Variants in CACNA1D observed in about 807,000 individuals in gnomAD.
CACNA1D encodes voltage-dependent L-type calcium channel subunit alpha-1D.
A neutral mutation model predicts 257.1 loss-of-function variants in CACNA1D; 55 were observed. The ratio of observed to expected loss-of-function variants is 0.21; its 90% CI spans 0.17 to 0.27. The LOEUF is 0.27. Among genes scored for constraint, CACNA1D ranks in the 10% least tolerant of loss-of-function variants. The probability of loss-of-function intolerance (pLI) is 1.00; values close to 1 mark genes in which losing one functional copy is unlikely to be tolerated. For synonymous variants in CACNA1D, 980 were observed against 1,014.9 expected, an observed-to-expected ratio of 0.97 and a Z score of 0.65; for missense variants, 1,876 against 2,784.0, an observed-to-expected ratio of 0.67 and a Z score of 7.34.
At chr3:53,529,932 C>A (rs1375295015) in intron 3 of CACNA1D, among the ~76,000 whole-genome samples, 1 of 152,040 alleles carries the variant, frequency 6.6e-6, no homozygotes, top group Admixed American at 6.6e-5. Flanking sequence ...GGTTGTATTT[C>A]TTCCAAGTAA....
chr3:53,666,468 T>C lies in CACNA1D; in HGVS notation c.1049T>C (p.Phe350Ser), dbSNP rs1198604444. ...PNGGITNFDN[F>S]AFAMLTVFQC... ...GGAGGCATCACCAACTTTGATAACTTTGCCTTTGCCATGCTTACTGTGTTT... is the reference window on the plus strand; with the variant it reads ...GGAGGCATCACCAACTTTGATAACTCTGCCTTTGCCATGCTTACTGTGTTT... Residue 350 changes from phenylalanine (F) to serine (S), a missense_variant, in exon 7 of 48, where the codon TTT becomes TCT. Around this residue, in one of 10 missense-constraint regions of CACNA1D, gnomAD observed 188 missense variants for 390.4 expected, o/e 0.48. Coordinates refer to ENST00000350061, the MANE Select transcript of CACNA1D (RefSeq NM_001128840.3). 6.2e-7 allele frequency: 1 copy of C among 1,614,076 alleles called. No homozygotes were observed. Among genetic ancestry groups the C allele is most frequent in the African/African-American group, 1.3e-5 (1 of 74,930 alleles).
intron 4 of CACNA1D, among the ~76,000 whole-genome samples, chr3:53,659,780 A>G (rs185852400): frequency 2.6e-5 from 4 of 152,382 alleles, no homozygotes; most frequent in African/African-American, 7.2e-5. Flanking sequence ...TGCTTAGCAC[A>G]TAGCAAGTGC....
intron 3 of CACNA1D, among the ~76,000 whole-genome samples, chr3:53,580,759 C>G (rs76914681): frequency 0.045 from 6,854 of 152,258 alleles, 512 homozygotes; most frequent in African/African-American, 0.16. Context: ...TGGGATACAC[C>G]TGTCTTTCTT....
At chr3:53,754,910 A>G (rs1272424173) in intron 29 of CACNA1D, among the ~76,000 whole-genome samples, 1 of 152,242 alleles carries the variant, frequency 6.6e-6, no homozygotes, top group East Asian at 1.9e-4. Context: ...TGCAATCTTT[A>G]TCAGATCTTT....
intron 40 of CACNA1D, chr3:53,791,067 A>C: frequency 1.4e-6 from 1 of 700,730 alleles, no homozygotes; most frequent in Non-Finnish European, 2.6e-6. Flanking sequence ...AAGGCCTTGA[A>C]AGGGAAAAGT....
At chr3:53,798,493 C>T (rs2095519573) in intron 40 of CACNA1D, among the ~76,000 whole-genome samples, 3 of 152,220 alleles carry the variant, frequency 2.0e-5, no homozygotes, top group South Asian at 2.1e-4. Flanking sequence ...TGACCCGGGA[C>T]ATGACTGTCT....
At chr3:53,578,560 A>T (rs554855383) in intron 3 of CACNA1D, among the ~76,000 whole-genome samples, 1 of 152,086 alleles carries the variant, frequency 6.6e-6, no homozygotes, top group Non-Finnish European at 1.5e-5. Context: ...AGGCACAGAG[A>T]TGGGATGGTG....
At chr3:53,651,366 C>CTTTTTTTTATTTTTTTT (rs2094091970) in intron 4 of CACNA1D, among the ~76,000 whole-genome samples, 1 of 81,836 alleles carries the variant, frequency 1.2e-5, no homozygotes, top group African/African-American at 4.4e-5. Flanking sequence ...TATTAATTTT[C>CTTTTTTTTATTTTTTTT]TTTTTTTTTT....
At chr3:53,517,872 A>G (rs1158510130) in intron 3 of CACNA1D, among the ~76,000 whole-genome samples, 3 of 152,192 alleles carry the variant, frequency 2.0e-5, no homozygotes, top group African/African-American at 7.2e-5. Context: ...GCAAACTGCA[A>G]ATAATTCTTG....
At position 53,781,596 on chromosome 3, in the gene CACNA1D, G is replaced by T; in HGVS notation, c.4721G>T (p.Arg1574Leu). The change falls in exon 39 of 48, where the codon CGG becomes CTG. Residue 1574 changes from arginine to leucine, a missense_variant. Physicochemically the swap from Arg to Leu is moderately radical, Grantham distance 102. Around this residue, in one of 10 missense-constraint regions of CACNA1D, gnomAD observed 160 missense variants for 236.6 expected, o/e 0.68. Transcript: ENST00000350061. ...CTGGAGCAAGCTAATGAAGAACTTC[G>T]GGCTGTGATAAAGAAAATTTGGAAG... ...GNLEQANEEL[R>L]AVIKKIWKKT... 6.2e-7 allele frequency: 1 copy of T among 1,613,954 alleles called. No individual in the cohort carries two copies. Among genetic ancestry groups the T allele is most frequent in the Non-Finnish European group, 8.5e-7 (1 of 1,179,848 alleles).
intron 3 of CACNA1D, among the ~76,000 whole-genome samples, chr3:53,601,067 T>C (rs949589317): frequency 1.3e-5 from 2 of 152,156 alleles, no homozygotes; most frequent in Non-Finnish European, 2.9e-5. Flanking sequence ...CACACTCTTT[T>C]TCTGTTCCCT....
chr3:53,726,772 C>A, intron 14 of CACNA1D, 107 bp from the exon 15 acceptor site: 1 of 1,372,694 alleles, frequency 7.3e-7, no homozygotes, highest in Non-Finnish European at 1.0e-6. Context: ...GCAAACTGGA[C>A]TGTGAAAGGC....
intron 11 of CACNA1D, among the ~76,000 whole-genome samples, chr3:53,721,181 C>G (rs1351896776): frequency 2.0e-5 from 3 of 152,164 alleles, no homozygotes; most frequent in Non-Finnish European, 4.4e-5. Flanking sequence ...GCTGCTCTTT[C>G]CATTGGAACC....
intron 25 of CACNA1D, among the ~76,000 whole-genome samples, chr3:53,746,139 C>T (rs1576538675): frequency 6.6e-6 from 1 of 152,206 alleles, no homozygotes; most frequent in East Asian, 1.9e-4. Context: ...AACTTTTTGT[C>T]ATCCCAAAAG....
At chr3:53,691,887 ATT>A (rs1491219287) in intron 8 of CACNA1D, among the ~76,000 whole-genome samples, 4 of 56,604 alleles carry the variant, frequency 7.1e-5, no homozygotes, top group South Asian at 5.6e-4. Context: ...TATAATATAT[ATT>A]ATATATATTA....
At chr3:53,737,447 C>T (rs931234948) in intron 20 of CACNA1D, among the ~76,000 whole-genome samples, 1 of 152,128 alleles carries the variant, frequency 6.6e-6, no homozygotes, top group Non-Finnish European at 1.5e-5. Flanking sequence ...AACACTACAC[C>T]ATTTTATATC....
At position 53,511,165 on chromosome 3, in the gene CACNA1D, C is replaced by T. The variant is rs553081677; in HGVS notation, c.483+9445C>T. ...TTTATTTTCACACACAGTAAAATCTCGCTATTATTATGGTGTTTAGGGTTT... is the reference window on the plus strand; with the variant it reads ...TTTATTTTCACACACAGTAAAATCTTGCTATTATTATGGTGTTTAGGGTTT... On this transcript the variant is annotated intron_variant, in intron 3 of 47. Coordinates refer to ENST00000350061, the MANE Select transcript of CACNA1D (RefSeq NM_001128840.3). Among the ~76,000 whole-genome samples the T allele has an allele frequency of 3.9e-5, 6 of 152,186 alleles. No individual in the cohort carries two copies. In the East Asian group the frequency reaches 5.8e-4, roughly 15 times the overall value.
intron 3 of CACNA1D, among the ~76,000 whole-genome samples, chr3:53,503,727 A>G (rs1309513822): frequency 6.6e-6 from 1 of 151,758 alleles, no homozygotes; most frequent in Non-Finnish European, 1.5e-5. Context: ...CCCCTTCTCC[A>G]GTGAATCTTT....
intron 3 of CACNA1D, among the ~76,000 whole-genome samples, chr3:53,575,210 C>G (rs1169542153): frequency 1.3e-5 from 2 of 152,188 alleles, no homozygotes; most frequent in Non-Finnish European, 2.9e-5. Flanking sequence ...GATACCCGAT[C>G]TGTGCACAGG....
Sources: allele counts gnomAD v4.1 joint callset (sites outside exome capture counted in the v4.1 genomes callset), GRCh38; gene constraint gnomAD v4.1.1; regional missense constraint gnomAD v4.1.1; transcripts MANE v1.5; gene names NCBI Gene and HGNC (gene_info 2026-07-23, HGNC 2026-07-21).